The following ROR1 variants were observed in gnomAD, a reference collection of about 807,000 sequenced individuals.
ROR1 encodes the protein ROR family WNT receptor 1, also known as inactive tyrosine-protein kinase transmembrane receptor ROR1.
ROR1 carries 19 observed loss-of-function variants against 78.8 expected under a neutral mutation model. The observed-to-expected ratio is 0.24, with a 90% confidence interval of 0.17 to 0.35. The LOEUF (loss-of-function observed/expected upper bound fraction) is 0.35. ROR1 is among the 10% of genes least tolerant of loss of function. ROR1 has a pLI of 1.00. For missense variants in ROR1, 917 were observed against 1,177.8 expected (o/e 0.78, Z 3.24); for synonymous variants, 386 against 433.6 (o/e 0.89, Z 1.36).
Position 63,812,290 on chromosome 1 carries a change from T to G in ROR1, c.91+37782T>G, listed in dbSNP as rs187801732. Among the ~76,000 whole-genome samples, 4 of 152,266 alleles carry G rather than the reference T, an allele frequency of 2.6e-5. No individual in the cohort carries two copies. In the East Asian group the frequency reaches 5.8e-4, roughly 22 times the overall value. On this transcript the variant is annotated intron_variant, in intron 1 of 8. Transcript: ENST00000371079. ...CTGAGGCCTGTTTTTATAAATAAAG[T>G]TTTGTTGGAACACATTCACCCACAT...
chr1:64,109,014 C>G (rs561434009), intron 4 of ROR1, among the ~76,000 whole-genome samples: 1 of 152,162 alleles, frequency 6.6e-6, no homozygotes, highest in Admixed American at 6.6e-5. Flanking sequence ...ATCACAGTCT[C>G]TAGAGCTTGG....
intron 1 of ROR1, among the ~76,000 whole-genome samples, chr1:63,785,517 A>G (rs1644678832): frequency 6.7e-6 from 1 of 149,526 alleles, no homozygotes; most frequent in Admixed American, 6.7e-5. Context: ...TTATTTATTT[A>G]TTTATTTATT....
chr1:64,134,243 A>C lies in ROR1; in HGVS notation c.483-3126A>C, dbSNP rs188327232. On this transcript the variant is annotated intron_variant, in intron 4 of 8. Coordinates refer to ENST00000371079, the MANE Select transcript of ROR1 (RefSeq NM_005012.4). The stretch of plus-strand genomic sequence containing the variant: ...GATTGTTGTTGGGATAAAATGACTT[A>C]GTATCTGTTTTGTAAGTATATAAAA... Among the ~76,000 whole-genome samples, 598 of 152,306 alleles carry C rather than the reference A, an allele frequency of 3.9e-3. 3 individuals carry two copies. Among genetic ancestry groups the C allele is most frequent in the Non-Finnish European group, 5.9e-3 (403 of 68,032 alleles).
chr1:64,058,990 C>T (rs940144217), intron 4 of ROR1, among the ~76,000 whole-genome samples: 68 of 152,058 alleles, frequency 4.5e-4, no homozygotes, highest in African/African-American at 1.4e-3. Flanking sequence ...ATTACTAATT[C>T]AACTTTCTTA....
intron 1 of ROR1, among the ~76,000 whole-genome samples, chr1:63,956,875 A>G (rs1319348092): frequency 6.6e-6 from 1 of 152,274 alleles, no homozygotes; most frequent in East Asian, 1.9e-4. Flanking sequence ...CTTTAATGTA[A>G]TGGAGTTGAA....
At chr1:64,111,758 C>T (rs191142905) in intron 4 of ROR1, among the ~76,000 whole-genome samples, 27 of 152,304 alleles carry the variant, frequency 1.8e-4, no homozygotes, top group African/African-American at 6.5e-4. Context: ...ATGTTTTGAA[C>T]CCAACTCACA....
chr1:64,078,058 C>G (rs781713812), intron 4 of ROR1, among the ~76,000 whole-genome samples: 9 of 152,148 alleles, frequency 5.9e-5, no homozygotes, highest in African/African-American at 9.7e-5. Context: ...TAACAAAAAC[C>G]TGGAGAAGCA....
intron 4 of ROR1, among the ~76,000 whole-genome samples, chr1:64,091,009 G>C (rs962145629): frequency 3.6e-4 from 54 of 152,054 alleles, no homozygotes; most frequent in African/African-American, 1.3e-3. Context: ...AGCCTCTCTT[G>C]AGAATCAGAA....
intron 1 of ROR1, among the ~76,000 whole-genome samples, chr1:63,891,380 G>A (rs57444078): frequency 2.4e-3 from 360 of 152,194 alleles, no homozygotes; most frequent in African/African-American, 8.1e-3. Flanking sequence ...ATGGTGGTGA[G>A]GACTCCTTTG....
intron 1 of ROR1, among the ~76,000 whole-genome samples, chr1:63,863,179 T>G (rs1201169054): frequency 1.3e-5 from 2 of 152,346 alleles, no homozygotes; most frequent in Non-Finnish European, 2.9e-5. Flanking sequence ...TAACTATCTC[T>G]TCTTTCTTGA....
chr1:64,076,417 T>C (rs1424752859), intron 4 of ROR1, among the ~76,000 whole-genome samples: 1 of 152,184 alleles, frequency 6.6e-6, no homozygotes, highest in Non-Finnish European at 1.5e-5. Context: ...ACAAACAGCT[T>C]GAGGAAATCC....
chr1:64,088,594 G>C (rs531670923), intron 4 of ROR1, among the ~76,000 whole-genome samples: 4 of 136,834 alleles, frequency 2.9e-5, no homozygotes, highest in East Asian at 2.6e-4. Context: ...TGCATGGGGC[G>C]GGGGGGTCGG....
At position 64,028,738 on chromosome 1, in the gene ROR1, C is replaced by T. The variant is rs370396233; in HGVS notation, c.163+19362C>T. ...AGGTGTGCAATGCATAATAATCATA[C>T]CATGGAAAATTGGTTATCTATTCCC... is the stretch of plus-strand genomic sequence containing the variant. On this transcript the variant is annotated intron_variant, in intron 2 of 8. Transcript: ENST00000371079. 1.6e-4 allele frequency among the ~76,000 whole-genome samples: 24 copies of T among 152,176 alleles called. 1 individual carries two copies. Among genetic ancestry groups the T allele is most frequent in the African/African-American group, 4.6e-4 (19 of 41,516 alleles).
chr1:63,789,282 T>G (rs1196446551), intron 1 of ROR1: 3 of 548,908 alleles, frequency 5.5e-6, no homozygotes, highest in Non-Finnish European at 1.0e-5. Context: ...GGCAAGCCTC[T>G]TCTGAAGCCT....
chr1:63,834,149 C>T (rs1199502528), intron 1 of ROR1, among the ~76,000 whole-genome samples: 2 of 151,614 alleles, frequency 1.3e-5, no homozygotes, highest in Admixed American at 1.3e-4. Flanking sequence ...TTACCCTGGG[C>T]TTAGACCCTC....
At chr1:63,798,611 G>A (rs1644777079) in intron 1 of ROR1, among the ~76,000 whole-genome samples, 1 of 152,210 alleles carries the variant, frequency 6.6e-6, no homozygotes, top group Non-Finnish European at 1.5e-5. Context: ...TGCTCTGCAT[G>A]TCTCCTTTGT....
Position 63,788,762 on chromosome 1 carries a change from C to T in ROR1, c.91+14254C>T, listed in dbSNP as rs184761128. On this transcript the variant is annotated intron_variant, in intron 1 of 8. Transcript: ENST00000371079. The stretch of plus-strand genomic sequence containing the variant: ...TTGGACAAGGTCTTGATGATTTCCT[C>T]CTTCTTGACCTGGAGGCACTCTTTA... 714 of 507,918 alleles carry T rather than the reference C, an allele frequency of 1.4e-3. 7 individuals carry two copies. Among genetic ancestry groups the T allele is most frequent in the African/African-American group, 0.013 (652 of 50,552 alleles). The allele number at this position is 507,918 out of a possible 1,614,324, so 31.5% of individuals were successfully genotyped here.
In ROR1 at chr1:63,989,167, TG is replaced by T. The variant is rs200396971; in HGVS notation, c.92-20137del. On this transcript the variant is annotated intron_variant, in intron 1 of 8. Transcript: ENST00000371079. ...GCCAACACTTGTCATTTTCTGTTTT[TG>T]TTTTTTTTTTTTTTTAAACTCTTTA... is the stretch of plus-strand genomic sequence containing the variant. Among the ~76,000 whole-genome samples the T allele has an allele frequency of 7.5e-3, 1,104 of 146,538 alleles. 22 individuals are homozygous for T. Among genetic ancestry groups the T allele is most frequent in the Middle Eastern group, 0.018 (5 of 272 alleles).
At chr1:63,811,068 C>G (rs1053282446) in intron 1 of ROR1, among the ~76,000 whole-genome samples, 1 of 152,028 alleles carries the variant, frequency 6.6e-6, no homozygotes, top group Non-Finnish European at 1.5e-5. Context: ...GGATACAGAC[C>G]CAACCGACTG....
Sources: allele counts gnomAD v4.1 joint callset (sites outside exome capture counted in the v4.1 genomes callset), GRCh38; gene constraint gnomAD v4.1.1; transcripts MANE v1.5; gene names NCBI Gene and HGNC (gene_info 2026-07-23, HGNC 2026-07-21).